Variants in TMEM120B observed in about 807,000 individuals in gnomAD.
TMEM120B encodes the protein transmembrane protein 120B.
A neutral mutation model predicts 55.5 loss-of-function variants in TMEM120B; 31 were observed. That is an observed-to-expected ratio of 0.56 (90% confidence interval 0.42 to 0.75). The LOEUF (loss-of-function observed/expected upper bound fraction) is 0.75. Ranked by LOEUF, TMEM120B falls within the 30% of genes least tolerant of loss-of-function variation. The pLI is 0.00. For missense variants in TMEM120B, 399 were observed against 425.5 expected, an observed-to-expected ratio of 0.94 and a Z score of 0.55; for synonymous variants, 203 against 176.3, an observed-to-expected ratio of 1.15 and a Z score of -1.20.
chr12:121,779,135 G>C lies in TMEM120B; in HGVS notation c.*3413G>C, dbSNP rs541548611. 2.6e-5 allele frequency: 6 copies of C among 229,892 alleles called. No homozygotes were observed. The East Asian group carries it at 5.7e-4, about 22-fold the overall frequency. 14.2% of individuals were successfully genotyped at this position (229,892 alleles called of 1,614,324 possible). On this transcript the variant is annotated 3_prime_UTR_variant, in exon 12 of 12. Coordinates refer to ENST00000449592, the MANE Select transcript of TMEM120B (RefSeq NM_001080825.2). ...GTGGCAGGCTTGGGGCGCCCGCGTGGAACAGTGCCAGGTCTACGTTTACCC... is the reference window on the plus strand; with the variant it reads ...GTGGCAGGCTTGGGGCGCCCGCGTGCAACAGTGCCAGGTCTACGTTTACCC...
intron 7 of TMEM120B, 37 bp from the exon 8 acceptor site, chr12:121,771,451 T>G (rs1303221018): frequency 1.3e-6 from 2 of 1,575,834 alleles, no homozygotes; most frequent in East Asian, 4.5e-5. Context: ...CATTTCATAG[T>G]GGGCCCCACC....
At chr12:121,768,140 G>A (rs374838555) in intron 6 of TMEM120B, among the ~76,000 whole-genome samples, 40 of 152,278 alleles carry the variant, frequency 2.6e-4, no homozygotes, top group African/African-American at 7.0e-4. Flanking sequence ...AGTGGAGGTG[G>A]GAGTTTTCTG....
In TMEM120B at chr12:121,779,231, G is replaced by A; in HGVS notation, c.*3509G>A. On this transcript the variant is annotated 3_prime_UTR_variant, in exon 12 of 12. Transcript: ENST00000449592. ...CTGGGGAGACACTCGTGGTGGGGGTGGCTGTGATGAGGGCACTTGCGAGTC... is the reference window on the plus strand; with the variant it reads ...CTGGGGAGACACTCGTGGTGGGGGTAGCTGTGATGAGGGCACTTGCGAGTC... 1.9e-6 allele frequency: 1 copy of A among 515,726 alleles called. No homozygotes were observed. The highest frequency in any genetic ancestry group is 3.5e-6 in the Non-Finnish European group (1 of 284,234). The allele number at this position is 515,726 out of a possible 1,614,324, so 31.9% of individuals were successfully genotyped here. A position where few individuals can be genotyped will look rare whatever the true frequency, so the allele number is the denominator to read the frequency against.
chr12:121,731,010 C>A (rs1894993116), intron 1 of TMEM120B, among the ~76,000 whole-genome samples: 1 of 151,140 alleles, frequency 6.6e-6, no homozygotes, highest in Non-Finnish European at 1.5e-5. Flanking sequence ...ACAGGCGGTA[C>A]CTAGAGTAGT....
rs76262445 is a variant in TMEM120B, at chr12:121,773,929, G to A, written c.772+416G>A. Reference sequence around the variant, plus strand: ...CTCATTGAGAATTTCAGGGGAAACTGTTTTTAATACAACTCTGCTATCTTT... The same window carrying A: ...CTCATTGAGAATTTCAGGGGAAACTATTTTTAATACAACTCTGCTATCTTT... On this transcript the variant is annotated intron_variant, in intron 9 of 11. Transcript: ENST00000449592. 5.3e-3 allele frequency among the ~76,000 whole-genome samples: 742 copies of A among 141,192 alleles called. 11 individuals are homozygous for A. Among genetic ancestry groups the A allele is most frequent in the African/African-American group, 0.018 (712 of 38,712 alleles). 92.6% of individuals were successfully genotyped at this position (141,192 alleles called of 152,430 possible). A position where few individuals can be genotyped will look rare whatever the true frequency, so the allele number is the denominator to read the frequency against.
At chr12:121,744,309 C>T (rs1340447835) in intron 2 of TMEM120B, among the ~76,000 whole-genome samples, 1 of 152,210 alleles carries the variant, frequency 6.6e-6, no homozygotes, top group Non-Finnish European at 1.5e-5. Flanking sequence ...ATTTGTGAAC[C>T]AATCACTGAG....
chr12:121,758,889 T>C, intron 5 of TMEM120B: 1 of 979,426 alleles, frequency 1.0e-6, no homozygotes, highest in Non-Finnish European at 1.2e-6. Context: ...GTGGTCACCA[T>C]GGAGGAGGAC....
intron 4 of TMEM120B, among the ~76,000 whole-genome samples, chr12:121,750,670 C>T (rs1215809113): frequency 7.1e-6 from 1 of 140,036 alleles, no homozygotes; most frequent in Non-Finnish European, 1.6e-5. Flanking sequence ...CCCACACCCA[C>T]ACCCCACACC....
At chr12:121,741,897 T>C (rs1259090772) in intron 1 of TMEM120B, among the ~76,000 whole-genome samples, 2 of 152,204 alleles carry the variant, frequency 1.3e-5, no homozygotes, top group East Asian at 3.9e-4. Context: ...CCTTTCATCT[T>C]CCTAGTGGGT....
At chr12:121,765,239 C>T (rs113235146) in intron 6 of TMEM120B, among the ~76,000 whole-genome samples, 5 of 149,726 alleles carry the variant, frequency 3.3e-5, no homozygotes, top group African/African-American at 1.2e-4. Context: ...AAGCAATTCT[C>T]CTGCCTCAGC....
chr12:121,758,899 C>T (rs1288870475), intron 5 of TMEM120B: 4 of 976,776 alleles, frequency 4.1e-6, no homozygotes, highest in African/African-American at 1.8e-5. Context: ...TGGAGGAGGA[C>T]GGCCTAGCCC....
At chr12:121,771,426 C>T (rs773621488) in intron 7 of TMEM120B, 62 bp from the exon 8 acceptor site, 128 of 1,403,574 alleles carry the variant, frequency 9.1e-5, no homozygotes, top group East Asian at 1.1e-4. Flanking sequence ...GGAGTTGGGG[C>T]GGGGAGGAAT....
chr12:121,746,676 C>T (rs1465495829), intron 2 of TMEM120B, among the ~76,000 whole-genome samples: 3 of 151,048 alleles, frequency 2.0e-5, no homozygotes, highest in African/African-American at 7.3e-5. Context: ...AGAAGAAGGC[C>T]GGGCGTGGTG....
rs192629181 is a variant in TMEM120B at position 121,740,692 on chromosome 12, G to A, written c.70-2937G>A. 1.1e-4 allele frequency among the ~76,000 whole-genome samples: 16 copies of A among 152,206 alleles called. No homozygotes were observed. In the East Asian group the frequency reaches 2.9e-3, roughly 28 times the overall value. The stretch of plus-strand genomic sequence containing the variant: ...GTGGCAGAGGTGGAAGAAAATCTGT[G>A]TATAAGTGGACATGCAGTTGAAACC... On this transcript the variant is annotated intron_variant, in intron 1 of 11. Coordinates refer to ENST00000449592, the MANE Select transcript of TMEM120B (RefSeq NM_001080825.2).
chr12:121,744,420 G>A (rs1025374976), intron 2 of TMEM120B, among the ~76,000 whole-genome samples: 6 of 152,200 alleles, frequency 3.9e-5, no homozygotes, highest in African/African-American at 7.2e-5. Flanking sequence ...GTAGTTTCCC[G>A]GGTGAAAGTT....
chr12:121,756,403 CAGG>C (rs576916269), intron 5 of TMEM120B, among the ~76,000 whole-genome samples: 45 of 152,286 alleles, frequency 3.0e-4, no homozygotes, highest in African/African-American at 1.0e-3. Context: ...GAGGCCAAGG[CAGG>C]AGAATTACTT....
intron 1 of TMEM120B, among the ~76,000 whole-genome samples, chr12:121,714,651 T>G (rs1032574171): frequency 7.1e-6 from 1 of 140,840 alleles, no homozygotes; most frequent in Non-Finnish European, 1.5e-5. Flanking sequence ...AACCTCCGCC[T>G]CCCGGATTCA....
chr12:121,748,502 G>A, intron 3 of TMEM120B, 60 bp downstream of exon 3: 1 of 1,173,230 alleles, frequency 8.5e-7, no homozygotes, highest in Non-Finnish European at 1.2e-6. Context: ...TAGCACAGCT[G>A]GTCCATATAA....
In TMEM120B at chr12:121,743,746, A is replaced by G; in HGVS notation, c.187A>G (p.Arg63Gly). 1 of 1,609,774 alleles carries G rather than the reference A, an allele frequency of 6.2e-7. No individual in the cohort carries two copies. Among genetic ancestry groups the G allele is most frequent in the Middle Eastern group, 1.8e-4 (1 of 5,524 alleles). ...CAAGGACTTGAAGCTTACACTCCAG[A>G]GGTAGGTGCAGCTGTAGCCCGGGGG... is the stretch of plus-strand genomic sequence containing the variant. Reference protein sequence around the residue: ...HLKDLKLTLQRCKRHASREEA... With the variant: ...HLKDLKLTLQGCKRHASREEA... The change falls in exon 2 of 12, where the codon AGG becomes GGG. Residue 63 changes from arginine to glycine, a missense_variant and splice_region_variant. Physicochemically the swap from Arg to Gly is moderately radical, Grantham distance 125. Around this residue, in one of 3 missense-constraint regions of TMEM120B, gnomAD observed 133 missense variants for 104.1 expected, o/e 1.28. Coordinates refer to ENST00000449592, the MANE Select transcript of TMEM120B (RefSeq NM_001080825.2).
Sources: gnomAD v4.1 joint callset for allele counts (sites outside exome capture counted in the v4.1 genomes callset) on GRCh38, gnomAD v4.1.1 for gene constraint, gnomAD v4.1.1 regional missense constraint, MANE v1.5 for transcripts, NCBI Gene and HGNC (gene_info 2026-07-23, HGNC 2026-07-21) for gene names.